The following PES1 variants were observed in gnomAD, a reference collection of about 807,000 sequenced individuals.
PES1 encodes pescadillo homolog.
A neutral mutation model predicts 77.1 loss-of-function variants in PES1; 31 were observed. The observed-to-expected ratio is 0.40, with a 90% CI of 0.30 to 0.54. The LOEUF (loss-of-function observed/expected upper bound fraction) is 0.54. Ranked by LOEUF, PES1 falls within the 20% of genes least tolerant of loss-of-function variation. The pLI is 0.45. For missense variants in PES1, 658 were observed against 771.7 expected (o/e 0.85, Z 1.75); for synonymous variants, 282 against 303.0 (o/e 0.93, Z 0.72).
chr22:30,598,539 G>T (rs1033496842), intron 2 of PES1, among the ~76,000 whole-genome samples: 1 of 152,094 alleles, frequency 6.6e-6, no homozygotes, highest in Non-Finnish European at 1.5e-5. Context: ...GGTGATTCTC[G>T]TGCCTCAGGT....
At chr22:30,597,961 G>A (rs1268278960) in intron 2 of PES1, among the ~76,000 whole-genome samples, 1 of 139,628 alleles carries the variant, frequency 7.2e-6, no homozygotes, top group African/African-American at 2.7e-5. Context: ...TCGGCTCACT[G>A]CAAGCTCCGC....
Position 30,578,953 on chromosome 22 carries a change from G to C in PES1, c.1567C>G (p.Arg523Gly), listed in dbSNP as rs955541707. 1 of 1,612,892 alleles carries C rather than the reference G, an allele frequency of 6.2e-7. No individual in the cohort carries two copies. The highest frequency in any genetic ancestry group is 1.3e-5 in the African/African-American group (1 of 74,890). The change falls in exon 14 of 15, where the codon CGG becomes GGG. Residue 523 changes from arginine to glycine, a missense_variant. Transcript: ENST00000354694. ...TCACTCTCCTCCTCCTGGGCCAGCC[G>C]CTGCTTATCCTCCAGCTTCAAGGTG... ...AGTLKLEDKQ[R>G]LAQEEESEAK...
rs924889129 is a variant in PES1, at chr22:30,587,256, C to T, written c.368+30G>A. ...CAGAGACCAGCAGTAAATGAAGAAA[C>T]AGCAGTGTCCTGAGGAAAGCCCGGC... On this transcript the variant is annotated intron_variant, in intron 4 of 14. Transcript: ENST00000354694. 19 of 1,427,692 alleles carry T rather than the reference C, an allele frequency of 1.3e-5. No individual in the cohort carries two copies. The Middle Eastern group carries it at 6.7e-4, about 51-fold the overall frequency. 88.4% of individuals were successfully genotyped at this position (1,427,692 alleles called of 1,614,324 possible).
intron 2 of PES1, among the ~76,000 whole-genome samples, chr22:30,602,437 A>G (rs1440285500): frequency 1.9e-5 from 1 of 52,288 alleles, no homozygotes; most frequent in Non-Finnish European, 3.7e-5. Context: ...GAAAACTAAT[A>G]CTTTTTTTTT....
At chr22:30,579,720 G>A in intron 12 of PES1, 31 bp downstream of exon 12, 3 of 1,606,002 alleles carry the variant, frequency 1.9e-6, no homozygotes, top group Non-Finnish European at 1.7e-6. Context: ...GGGCCCAGGG[G>A]TCAAGGCCAG....
rs140230829 is a variant in PES1, at chr22:30,580,122, T to A, written c.1100A>T (p.Asp367Val). The change falls in exon 11 of 15, where the codon GAC (aspartate) becomes GTC (valine). Residue 367 changes from aspartate to valine, a missense_variant. Coordinates refer to ENST00000354694, the MANE Select transcript of PES1 (RefSeq NM_014303.4). ...DKSLCIGATY[D>V]VTDSRITHQI... ...ATGGGTGATGCGGGAGTCTGTGACG[T>A]CATAGGTGGCCCCAATGCACAAAGA... The A allele has an allele frequency of 1.2e-3, 1,921 of 1,614,050 alleles. 1 individual carries two copies. The highest frequency in any genetic ancestry group is 1.5e-3 in the Non-Finnish European group (1,815 of 1,180,000).
At chr22:30,591,695 C>T (rs1380378912) in intron 1 of PES1, 115 bp downstream of exon 1, 1 of 1,211,664 alleles carries the variant, frequency 8.3e-7, no homozygotes, top group Non-Finnish European at 1.1e-6. Flanking sequence ...ATTACGGTCA[C>T]GTCGATCCCG....
At chr22:30,602,837 TC>T (rs1337221647) in intron 2 of PES1, among the ~76,000 whole-genome samples, 2 of 152,246 alleles carry the variant, frequency 1.3e-5, no homozygotes, top group African/African-American at 4.8e-5. Context: ...ATCCAATTGT[TC>T]CTGCACCATT....
At chr22:30,591,671 C>A in intron 1 of PES1, 139 bp downstream of exon 1, 1 of 898,012 alleles carries the variant, frequency 1.1e-6, no homozygotes, top group Non-Finnish European at 1.6e-6. Flanking sequence ...TTCTCGGACC[C>A]CTTCTCGCAG....
chr22:30,601,742 C>T (rs2087357126), intron 2 of PES1: 2 of 151,634 alleles, frequency 1.3e-5, no homozygotes, highest in East Asian at 1.9e-4. Flanking sequence ...TGGCTGCTTC[C>T]GGTTTTTAGC....
rs201723932 is a variant in PES1 at position 30,583,684 on chromosome 22, G to C, written c.630+681C>G. On this transcript the variant is annotated intron_variant, in intron 6 of 14. Transcript: ENST00000354694. Reference sequence around the variant, plus strand: ...CACGCCTATAATCCTAGCACTTTGGGAGGCTGAGATTGGAGGACTGCTTGA... The same window carrying C: ...CACGCCTATAATCCTAGCACTTTGGCAGGCTGAGATTGGAGGACTGCTTGA... Among the ~76,000 whole-genome samples, 29 of 152,382 alleles carry C rather than the reference G, an allele frequency of 1.9e-4. No homozygotes were observed. The East Asian group carries it at 4.4e-3, about 23-fold the overall frequency.
chr22:30,581,354 C>G lies in PES1; in HGVS notation c.802G>C (p.Asp268His). The change falls in exon 8 of 15, where the codon GAC becomes CAC. Residue 268 changes from aspartate to histidine, a missense_variant. By Grantham distance (81) the Asp-to-His change is moderately conservative. Coordinates refer to ENST00000354694, the MANE Select transcript of PES1 (RefSeq NM_014303.4). ...AKAGEGTYAL[D>H]SESCMEKLAA... ...CTCACCTCCATACAACTCTCGGAGT[C>G]CAACGCGTAGGTGCCCTCACCGGCC... The G allele has an allele frequency of 6.2e-7, 1 of 1,613,860 alleles. No individual in the cohort carries two copies. The highest frequency in any genetic ancestry group is 8.5e-7 in the Non-Finnish European group (1 of 1,180,030).
At position 30,589,146 on chromosome 22, in the gene PES1, T is replaced by C. The variant is rs775247983; in HGVS notation, c.104+45A>G. 4.2e-6 allele frequency: 6 copies of C among 1,443,672 alleles called. No individual in the cohort carries two copies. The East Asian group carries it at 9.2e-5, about 22-fold the overall frequency. The allele number at this position is 1,443,672 out of a possible 1,614,324, so 89.4% of individuals were successfully genotyped here. ...GACAGGGATGCAGCTGAGTTTTCAA[T>C]GTGCAATTCACTGCCCGGGCTTCCC... is the stretch of plus-strand genomic sequence containing the variant. On this transcript the variant is annotated intron_variant, in intron 2 of 14. Transcript: ENST00000354694.
Position 30,576,952 on chromosome 22 carries a change from T to A in PES1, c.*94A>T, listed in dbSNP as rs1275145245. ...TGGCTGGAGAAAGGAGGAGGAGAAG[T>A]GACTCTGGTCCATCACACTTAGGTC... On this transcript the variant is annotated 3_prime_UTR_variant, in exon 15 of 15. Coordinates refer to ENST00000354694, the MANE Select transcript of PES1 (RefSeq NM_014303.4). 4.9e-6 allele frequency: 5 copies of A among 1,012,094 alleles called. No individual in the cohort carries two copies. The highest frequency in any genetic ancestry group is 7.8e-6 in the Non-Finnish European group (5 of 638,158). 62.7% of individuals were successfully genotyped at this position (1,012,094 alleles called of 1,614,324 possible).
chr22:30,600,369 A>C (rs2087336746), intron 2 of PES1, among the ~76,000 whole-genome samples: 1 of 152,190 alleles, frequency 6.6e-6, no homozygotes, highest in African/African-American at 2.4e-5. Flanking sequence ...TCACTGCAGA[A>C]CAGTCTTATA....
intron 4 of PES1, chr22:30,585,469 C>T (rs1569024965): frequency 1.1e-5 from 4 of 353,606 alleles, no homozygotes; most frequent in South Asian, 4.3e-5. Flanking sequence ...CCAGACTCTT[C>T]ATTTACAACT....
intron 1 of PES1, 113 bp from the exon 2 acceptor site, chr22:30,589,383 G>T: frequency 1.2e-6 from 1 of 841,808 alleles, no homozygotes; most frequent in Non-Finnish European, 1.9e-6. Flanking sequence ...TGGCTGAGAT[G>T]AGTCTAGGAG....
intron 2 of PES1, among the ~76,000 whole-genome samples, chr22:30,600,827 CAAA>C (rs200815388): frequency 6.6e-6 from 1 of 151,008 alleles, no homozygotes; most frequent in African/African-American, 2.4e-5. Flanking sequence ...AAAAACAAAA[CAAA>C]AAAAAATTGG....
In PES1 at chr22:30,597,877, G is replaced by GTTT. The variant is rs869064352; in HGVS notation, c.-660-5482_-660-5480dup. Among the ~76,000 whole-genome samples, 52 of 90,578 alleles carry GTTT rather than the reference G, an allele frequency of 5.7e-4. 2 individuals are homozygous for GTTT. Among genetic ancestry groups the GTTT allele is most frequent in the Middle Eastern group, 7.2e-3 (1 of 138 alleles). 59.4% of individuals were successfully genotyped at this position (90,578 alleles called of 152,430 possible). On this transcript the variant is annotated intron_variant, in intron 2 of 16. Transcript: ENST00000402281. Reference sequence around the variant, plus strand: ...TCGGTTTTTTTTCCACGCAGTTGAAGTTTTGTTTTTTTTTTTTTTGTTTTG... The same window carrying GTTT: ...TCGGTTTTTTTTCCACGCAGTTGAAGTTTTTTTGTTTTTTTTTTTTTTGTTTTG...
Sources: gnomAD v4.1 joint callset for allele counts (sites outside exome capture counted in the v4.1 genomes callset) on GRCh38, gnomAD v4.1.1 for gene constraint, MANE v1.5 for transcripts, NCBI Gene and HGNC (gene_info 2026-07-23, HGNC 2026-07-21) for gene names.